Variants in PPP2R3A observed in about 807,000 individuals in gnomAD.
PPP2R3A encodes protein phosphatase 2 regulatory subunit B''alpha, also known as serine/threonine-protein phosphatase 2A regulatory subunit B'' subunit alpha.
Under a neutral mutation model 106.9 loss-of-function variants are expected in PPP2R3A, and 80 were observed. That is an observed-to-expected ratio of 0.75 (90% CI 0.62 to 0.90). The LOEUF is 0.90. Among genes scored for constraint, PPP2R3A ranks in the 40% least tolerant of loss-of-function variants. The probability of loss-of-function intolerance (pLI) is 0.00; values close to 1 mark genes in which losing one functional copy is unlikely to be tolerated. For synonymous variants in PPP2R3A, 483 were observed against 468.3 expected, an observed-to-expected ratio of 1.03 and a Z score of -0.41; for missense variants, 1,386 against 1,350.4, an observed-to-expected ratio of 1.03 and a Z score of -0.41.
At chr3:136,114,871 C>T (rs900628810) in intron 13 of PPP2R3A, among the ~76,000 whole-genome samples, 18 of 152,162 alleles carry the variant, frequency 1.2e-4, no homozygotes, top group African/African-American at 4.3e-4. Context: ...AAGACTTAAA[C>T]ATCCCTGCCT....
intron 5 of PPP2R3A, among the ~76,000 whole-genome samples, chr3:136,061,426 G>C (rs1936070795): frequency 6.6e-6 from 1 of 152,120 alleles, no homozygotes; most frequent in Admixed American, 6.5e-5. Context: ...TCAGGAGTTT[G>C]AGACCAGCCT....
chr3:135,980,444 T>G (rs1937526703), intron 1 of PPP2R3A, among the ~76,000 whole-genome samples: 1 of 135,096 alleles, frequency 7.4e-6, no homozygotes, highest in African/African-American at 2.7e-5. Flanking sequence ...CATAAAATGT[T>G]CCAAAAAAAA....
At chr3:136,133,374 G>C (rs1156478240) in intron 13 of PPP2R3A, among the ~76,000 whole-genome samples, 4 of 152,194 alleles carry the variant, frequency 2.6e-5, no homozygotes, top group Non-Finnish European at 4.4e-5. Context: ...CAGTAAATAA[G>C]TGTATGAAAA....
chr3:136,127,170 C>T (rs1036503169), intron 13 of PPP2R3A, among the ~76,000 whole-genome samples: 3 of 152,238 alleles, frequency 2.0e-5, no homozygotes, highest in Middle Eastern at 3.4e-3. Context: ...ATGACTTTGA[C>T]GAGTTGACAG....
At chr3:136,042,258 G>A (rs1935313518) in intron 4 of PPP2R3A, among the ~76,000 whole-genome samples, 1 of 152,246 alleles carries the variant, frequency 6.6e-6, no homozygotes, top group East Asian at 1.9e-4. Context: ...CTATGTTGGT[G>A]GAGGGTATTC....
rs150896152 is a variant in PPP2R3A at position 136,109,415 on chromosome 3, A to G, written c.3329+3093A>G. 3.6e-3 allele frequency among the ~76,000 whole-genome samples: 543 copies of G among 152,326 alleles called. 7 individuals are homozygous for G. The East Asian group carries it at 0.048, about 13-fold the overall frequency. On this transcript the variant is annotated intron_variant, in intron 13 of 13. Coordinates refer to ENST00000264977, the MANE Select transcript of PPP2R3A (RefSeq NM_002718.5). ...TCACTTATCAAAATAAAAAGATTCA[A>G]TTATTGAATGACAACAACAAAGGTT...
intron 12 of PPP2R3A, among the ~76,000 whole-genome samples, chr3:136,104,381 A>AC (rs1485586137): frequency 6.6e-6 from 1 of 150,868 alleles, no homozygotes; most frequent in Non-Finnish European, 1.5e-5. Context: ...ATCTCGGCTC[A>AC]CCGCAACCTC....
At chr3:135,972,279 A>G (rs991710217) in intron 1 of PPP2R3A, among the ~76,000 whole-genome samples, 4 of 152,148 alleles carry the variant, frequency 2.6e-5, no homozygotes, top group African/African-American at 9.7e-5. Context: ...TACGAGGTTC[A>G]CTCAGGTTGT....
At chr3:136,134,838 C>G (rs1938543939) in intron 13 of PPP2R3A, among the ~76,000 whole-genome samples, 1 of 151,986 alleles carries the variant, frequency 6.6e-6, no homozygotes, top group Non-Finnish European at 1.5e-5. Flanking sequence ...ACCTAAAATT[C>G]ACCACCCAAA....
At chr3:136,112,919 G>A (rs2107985658) in intron 13 of PPP2R3A, among the ~76,000 whole-genome samples, 1 of 152,248 alleles carries the variant, frequency 6.6e-6, no homozygotes, top group East Asian at 1.9e-4. Context: ...GATCACCTGA[G>A]GTCAGGAGTT....
rs1210486535 is a variant in PPP2R3A, at chr3:136,070,477, G to T, written c.2470-1G>T. ...TTAGTTTTGGTTTTGATCTTTTTCA[G>T]GATGTGGTGGATACCCACCCTGGTC... On this transcript the variant is annotated splice_acceptor_variant, in intron 5 of 13. Transcript: ENST00000264977. LOFTEE classifies it high-confidence loss of function. The T allele has an allele frequency of 3.1e-6, 5 of 1,594,980 alleles. No individual in the cohort carries two copies. The highest frequency in any genetic ancestry group is 4.3e-6 in the Non-Finnish European group (5 of 1,173,622).
At chr3:136,062,841 T>C (rs1235851918) in intron 5 of PPP2R3A, among the ~76,000 whole-genome samples, 7 of 152,160 alleles carry the variant, frequency 4.6e-5, no homozygotes, top group Admixed American at 6.5e-5. Context: ...AATGGCCATA[T>C]TGCCCATGGT....
intron 3 of PPP2R3A, among the ~76,000 whole-genome samples, chr3:136,039,660 G>GC (rs1443245899): frequency 6.6e-6 from 1 of 152,160 alleles, no homozygotes; most frequent in Non-Finnish European, 1.5e-5. Flanking sequence ...TCGCTCACCT[G>GC]CCCTTCACCT....
In PPP2R3A at chr3:136,002,169, C is replaced by T; in HGVS notation, c.671C>T (p.Ser224Phe). Residue 224 changes from serine (S) to phenylalanine (F), a missense_variant, in exon 2 of 14, where the codon TCT (serine) becomes TTT (phenylalanine). Ser to Phe is a radical substitution (Grantham distance 155). Transcript: ENST00000264977. ...GAAAAACATAAAATAGATAATTTTTCTTCTGGGACAGACATAAAGATGTGC... is the reference window on the plus strand; with the variant it reads ...GAAAAACATAAAATAGATAATTTTTTTTCTGGGACAGACATAAAGATGTGC... ...ILEKHKIDNF[S>F]SGTDIKMCLD... The T allele has an allele frequency of 6.2e-7, 1 of 1,613,304 alleles. No individual in the cohort carries two copies. The highest frequency in any genetic ancestry group is 1.1e-5 in the South Asian group (1 of 90,866).
chr3:136,049,200 G>A (rs1935585742), intron 4 of PPP2R3A, 59 bp from the exon 5 acceptor site: 10 of 1,258,790 alleles, frequency 7.9e-6, no homozygotes. Context: ...AACTATTGAT[G>A]TTATTGTCAT....
At chr3:136,101,967 C>T (rs939352842) in intron 10 of PPP2R3A, 40 bp from the exon 11 acceptor site, 1 of 1,576,592 alleles carries the variant, frequency 6.3e-7, no homozygotes, top group African/African-American at 1.3e-5. Context: ...AATAAAAGGT[C>T]TTTACCAGGC....
At chr3:136,057,453 A>G (rs1008734237) in intron 5 of PPP2R3A, among the ~76,000 whole-genome samples, 8 of 152,168 alleles carry the variant, frequency 5.3e-5, no homozygotes, top group Non-Finnish European at 1.2e-4. Flanking sequence ...GAGTTTAAAA[A>G]ATGGATCTTG....
At chr3:136,089,544 A>T (rs967435250) in intron 9 of PPP2R3A, among the ~76,000 whole-genome samples, 5 of 151,726 alleles carry the variant, frequency 3.3e-5, no homozygotes, top group Non-Finnish European at 7.4e-5. Flanking sequence ...GTTTTTGCTT[A>T]AGATTGCTTT....
intron 7 of PPP2R3A, 112 bp from the exon 8 acceptor site, chr3:136,082,153 G>A: frequency 3.5e-6 from 3 of 858,058 alleles, no homozygotes; most frequent in Non-Finnish European, 5.3e-6. Flanking sequence ...TTCTGATTTG[G>A]TACCAGAAAA....
Sources: gnomAD v4.1 joint callset for allele counts (sites outside exome capture counted in the v4.1 genomes callset) on GRCh38, gnomAD v4.1.1 for gene constraint, MANE v1.5 for transcripts, NCBI Gene and HGNC (gene_info 2026-07-23, HGNC 2026-07-21) for gene names.